PARP8: variants seen among roughly 807,000 people sequenced by gnomAD.
PARP8 encodes the protein poly(ADP-ribose) polymerase family member 8.
Under a neutral mutation model 124.1 loss-of-function variants are expected in PARP8, and 51 were observed. The observed-to-expected ratio is 0.41, with a 90% CI of 0.33 to 0.52. PARP8 has a LOEUF of 0.52. Ranked by LOEUF, PARP8 falls within the 20% of genes least tolerant of loss-of-function variation. The probability of loss-of-function intolerance (pLI) is 0.21; values close to 1 mark genes in which losing one functional copy is unlikely to be tolerated. For missense variants in PARP8, 860 were observed against 1,018.9 expected, an observed-to-expected ratio of 0.84 and a Z score of 2.12; for synonymous variants, 391 against 361.5, an observed-to-expected ratio of 1.08 and a Z score of -0.93.
intron 2 of PARP8, among the ~76,000 whole-genome samples, chr5:50,708,022 A>G (rs1271019210): frequency 6.6e-6 from 1 of 152,138 alleles, no homozygotes; most frequent in Non-Finnish European, 1.5e-5. Flanking sequence ...CACCATAAGT[A>G]TATATTTTTT....
intron 9 of PARP8, among the ~76,000 whole-genome samples, chr5:50,785,835 CA>C (rs1035105061): frequency 2.6e-5 from 4 of 152,136 alleles, no homozygotes; most frequent in Non-Finnish European, 5.9e-5. Flanking sequence ...CTATGAGCAA[CA>C]CAATCTTTGC....
chr5:50,718,439 A>G (rs755847005), intron 2 of PARP8, among the ~76,000 whole-genome samples: 17 of 151,722 alleles, frequency 1.1e-4, no homozygotes, highest in South Asian at 4.2e-4. Context: ...ATGTGTGTGT[A>G]TGTGTGTGTG....
intron 25 of PARP8, 74 bp downstream of exon 25, chr5:50,835,089 T>G: frequency 7.6e-7 from 1 of 1,319,094 alleles, no homozygotes; most frequent in Admixed American, 1.8e-5. Flanking sequence ...AATTATCGTT[T>G]GGTCTCTTTA....
At chr5:50,676,650 G>A (rs1332748742) in intron 2 of PARP8, among the ~76,000 whole-genome samples, 1 of 152,172 alleles carries the variant, frequency 6.6e-6, no homozygotes, top group African/African-American at 2.4e-5. Context: ...ATGTTGGAGT[G>A]TACTTTCAGA....
intron 2 of PARP8, among the ~76,000 whole-genome samples, chr5:50,737,166 A>G (rs1206566618): frequency 2.0e-5 from 3 of 152,098 alleles, no homozygotes; most frequent in African/African-American, 4.8e-5. Flanking sequence ...AAGTCTGGGA[A>G]CCTATCAGCT....
At chr5:50,798,308 GC>G (rs1742784371) in intron 14 of PARP8, among the ~76,000 whole-genome samples, 1 of 151,968 alleles carries the variant, frequency 6.6e-6, no homozygotes, top group African/African-American at 2.4e-5. Flanking sequence ...ATTTCCACTG[GC>G]AATGTATGAC....
intron 10 of PARP8, among the ~76,000 whole-genome samples, 153 bp downstream of exon 10, chr5:50,788,742 G>A (rs1177205357): frequency 2.0e-5 from 3 of 152,280 alleles, no homozygotes; most frequent in East Asian, 1.9e-4. Flanking sequence ...TAAGAGCTGC[G>A]TTGATAATTT....
At position 50,691,318 on chromosome 5, in the gene PARP8, C is replaced by T. The variant is rs191719548; in HGVS notation, c.146+23193C>T. On this transcript the variant is annotated intron_variant, in intron 2 of 25. Coordinates refer to ENST00000281631, the MANE Select transcript of PARP8 (RefSeq NM_024615.4). ...TCAGGTTTTCTCTTCAGCCTTACAG[C>T]AGTCTGCCAGTGCCTCCAGGACTCC... Among the ~76,000 whole-genome samples, 3 of 152,274 alleles carry T rather than the reference C, an allele frequency of 2.0e-5. No individual in the cohort carries two copies. In the East Asian group the frequency reaches 5.8e-4, roughly 29 times the overall value.
At chr5:50,768,984 A>AT (rs1403309989) in intron 7 of PARP8, among the ~76,000 whole-genome samples, 1 of 152,234 alleles carries the variant, frequency 6.6e-6, no homozygotes, top group African/African-American at 2.4e-5. Flanking sequence ...AATCCAGTTA[A>AT]TTGCAAACCT....
intron 7 of PARP8, 58 bp from the exon 8 acceptor site, chr5:50,778,011 C>A: frequency 7.8e-7 from 1 of 1,288,306 alleles, no homozygotes; most frequent in Non-Finnish European, 1.1e-6. Flanking sequence ...TAACCTAACA[C>A]ACACCATCTT....
intron 7 of PARP8, among the ~76,000 whole-genome samples, chr5:50,776,507 A>G (rs1049150176): frequency 6.6e-6 from 1 of 152,212 alleles, no homozygotes; most frequent in African/African-American, 2.4e-5. Flanking sequence ...TTAAAAAGGA[A>G]TACCTATGCA....
intron 2 of PARP8, among the ~76,000 whole-genome samples, chr5:50,669,753 A>G (rs1749786454): frequency 2.0e-5 from 3 of 152,222 alleles, no homozygotes. Context: ...AAGAAGTACC[A>G]TGGTTGCTCT....
At chr5:50,738,600 T>C (rs1305710710) in intron 2 of PARP8, among the ~76,000 whole-genome samples, 1 of 151,900 alleles carries the variant, frequency 6.6e-6, no homozygotes, top group Non-Finnish European at 1.5e-5. Flanking sequence ...GAAACAAAAA[T>C]ATTTGTTTTG....
chr5:50,830,037 C>T lies in PARP8; in HGVS notation c.2233+76C>T. 4 of 1,464,072 alleles carry T rather than the reference C, an allele frequency of 2.7e-6. No individual in the cohort carries two copies. The South Asian group carries it at 6.0e-5, about 22-fold the overall frequency. The allele number at this position is 1,464,072 out of a possible 1,614,324, so 90.7% of individuals were successfully genotyped here. On this transcript the variant is annotated intron_variant, in intron 22 of 25. Transcript: ENST00000281631. ...CTTATTGTTTATACTCTATTCACAG[C>T]TTTCTATTGTGCCTTATTAGATATA...
chr5:50,681,702 A>G (rs1751313258), intron 2 of PARP8, among the ~76,000 whole-genome samples: 1 of 152,164 alleles, frequency 6.6e-6, no homozygotes, highest in Non-Finnish European at 1.5e-5. Flanking sequence ...GAAATTCTTT[A>G]AGCTGTGAGT....
At chr5:50,776,714 A>G (rs1265230168) in intron 7 of PARP8, among the ~76,000 whole-genome samples, 1 of 152,176 alleles carries the variant, frequency 6.6e-6, no homozygotes, top group Non-Finnish European at 1.5e-5. Flanking sequence ...AAGATCCCCT[A>G]GATTCCTTTA....
In PARP8 at chr5:50,727,731, C is replaced by T. The variant is rs140777410; in HGVS notation, c.147-22420C>T. On this transcript the variant is annotated intron_variant, in intron 2 of 25. Coordinates refer to ENST00000281631, the MANE Select transcript of PARP8 (RefSeq NM_024615.4). ...GAATGAGGATGGTATATTCAAATTCCGCAATTATTTTCTTTTACTCATCCA... is the reference window on the plus strand; with the variant it reads ...GAATGAGGATGGTATATTCAAATTCTGCAATTATTTTCTTTTACTCATCCA... Among the ~76,000 whole-genome samples, 9 of 152,102 alleles carry T rather than the reference C, an allele frequency of 5.9e-5. No individual in the cohort carries two copies. In the South Asian group the frequency reaches 6.2e-4, roughly 11 times the overall value.
At chr5:50,731,874 C>T (rs1166302713) in intron 2 of PARP8, among the ~76,000 whole-genome samples, 1 of 152,154 alleles carries the variant, frequency 6.6e-6, no homozygotes, top group Non-Finnish European at 1.5e-5. Context: ...CCTATTCGAA[C>T]AGACATGAGA....
chr5:50,756,141 A>T (rs2149567055), intron 3 of PARP8, among the ~76,000 whole-genome samples: 1 of 152,186 alleles, frequency 6.6e-6, no homozygotes, highest in Non-Finnish European at 1.5e-5. Context: ...GGACAATTTG[A>T]CTTCCTCTTT....
Sources: allele counts gnomAD v4.1 joint callset (sites outside exome capture counted in the v4.1 genomes callset), GRCh38; gene constraint gnomAD v4.1.1; transcripts MANE v1.5; gene names NCBI Gene and HGNC (gene_info 2026-07-23, HGNC 2026-07-21).